Variants in WWC2 observed in about 807,000 individuals in gnomAD.
WWC2 encodes the protein protein WWC2.
In WWC2, 101 loss-of-function variants were observed where a neutral mutation model predicts 138.5. The ratio of observed to expected loss-of-function variants is 0.73; its 90% CI spans 0.62 to 0.86. The LOEUF (loss-of-function observed/expected upper bound fraction) is 0.86, where lower values mean the gene tolerates loss of function less well. Among genes scored for constraint, WWC2 ranks in the 40% least tolerant of loss-of-function variants. The probability of loss-of-function intolerance (pLI) is 0.00; values close to 1 mark genes in which losing one functional copy is unlikely to be tolerated. For synonymous variants in WWC2, 558 were observed against 538.4 expected, an observed-to-expected ratio of 1.04 and a Z score of -0.50; for missense variants, 1,420 against 1,419.4, an observed-to-expected ratio of 1.00 and a Z score of -0.01.
intron 20 of WWC2, among the ~76,000 whole-genome samples, chr4:183,288,864 G>T (rs913661151): frequency 6.6e-6 from 1 of 152,214 alleles, no homozygotes; most frequent in African/African-American, 2.4e-5. Flanking sequence ...TATTCAGGCT[G>T]ACTGTCATGG....
At chr4:183,121,304 G>C (rs184041853) in intron 1 of WWC2, among the ~76,000 whole-genome samples, 9 of 151,174 alleles carry the variant, frequency 6.0e-5, no homozygotes, top group Admixed American at 4.0e-4. Flanking sequence ...GGGTGTTCTT[G>C]ATCTGAAATG....
At chr4:183,199,450 A>G (rs1290896129) in intron 2 of WWC2, among the ~76,000 whole-genome samples, 1 of 152,156 alleles carries the variant, frequency 6.6e-6, no homozygotes, top group Non-Finnish European at 1.5e-5. Flanking sequence ...TTCTGCGTAC[A>G]TCTATGTCAC....
In WWC2 at chr4:183,198,841, A is replaced by G. The variant is rs77748081; in HGVS notation, c.241+5133A>G. 4.1e-3 allele frequency among the ~76,000 whole-genome samples: 625 copies of G among 151,320 alleles called. 4 individuals are homozygous for G. Among genetic ancestry groups the G allele is most frequent in the African/African-American group, 0.015 (607 of 41,188 alleles). ...GGTTCCTTTTGTGCTCTTGCATAAA[A>G]CCCTTTTGTGGCACATTACTGCTTT... On this transcript the variant is annotated intron_variant, in intron 2 of 22. Coordinates refer to ENST00000403733, the MANE Select transcript of WWC2 (RefSeq NM_024949.6).
At chr4:183,210,832 A>G (rs1735575177) in intron 4 of WWC2, among the ~76,000 whole-genome samples, 1 of 152,200 alleles carries the variant, frequency 6.6e-6, no homozygotes, top group Non-Finnish European at 1.5e-5. Context: ...ACACAGTGGT[A>G]TTTGTGTCTA....
chr4:183,311,139 T>G (rs748863290), intron 21 of WWC2, among the ~76,000 whole-genome samples: 1 of 152,188 alleles, frequency 6.6e-6, no homozygotes, highest in African/African-American at 2.4e-5. Context: ...CACAAATATT[T>G]ATTGATTGGG....
chr4:183,177,278 A>G (rs1430869494), intron 1 of WWC2, among the ~76,000 whole-genome samples: 1 of 152,232 alleles, frequency 6.6e-6, no homozygotes, highest in Non-Finnish European at 1.5e-5. Flanking sequence ...TACATTGTCA[A>G]CTAGAGAATA....
intron 1 of WWC2, among the ~76,000 whole-genome samples, chr4:183,175,852 C>T (rs1409936581): frequency 6.6e-6 from 1 of 152,200 alleles, no homozygotes; most frequent in Non-Finnish European, 1.5e-5. Flanking sequence ...TAGTCTAAAA[C>T]TTAGCCACGC....
At chr4:183,218,295 A>G (rs185153205) in intron 4 of WWC2, among the ~76,000 whole-genome samples, 73 of 152,248 alleles carry the variant, frequency 4.8e-4, no homozygotes, top group Non-Finnish European at 8.8e-4. Flanking sequence ...GGAAATGCAA[A>G]TCAAAATTAC....
intron 21 of WWC2, among the ~76,000 whole-genome samples, chr4:183,302,607 T>C (rs1251264555): frequency 1.3e-5 from 2 of 152,106 alleles, no homozygotes; most frequent in African/African-American, 2.4e-5. Context: ...CCAGTGAGAA[T>C]TGGGAGGGAA....
chr4:183,181,245 T>C (rs761547056), intron 1 of WWC2, among the ~76,000 whole-genome samples: 43 of 152,192 alleles, frequency 2.8e-4, no homozygotes, highest in Admixed American at 1.8e-3. Flanking sequence ...TCTGGTAAAT[T>C]GCATATCACA....
chr4:183,125,216 C>T (rs1356546989), intron 1 of WWC2, among the ~76,000 whole-genome samples: 2 of 152,154 alleles, frequency 1.3e-5, no homozygotes, highest in East Asian at 1.9e-4. Context: ...TCGATTTTTA[C>T]AGGTTCAATT....
In WWC2 at chr4:183,305,233, GA is replaced by G. The variant is rs1202272066; in HGVS notation, c.3385-7099del. Among the ~76,000 whole-genome samples the G allele has an allele frequency of 8.7e-5, 13 of 150,252 alleles. No individual in the cohort carries two copies. The East Asian group carries it at 2.5e-3, about 29-fold the overall frequency. Reference sequence around the variant, plus strand: ...CATAGCAAAGAGAAAAGAGACTGGAGAAAAAAAAAGGAACAGAACATCCAAG... The same window carrying G: ...CATAGCAAAGAGAAAAGAGACTGGAGAAAAAAAAGGAACAGAACATCCAAG... On this transcript the variant is annotated intron_variant, in intron 21 of 22. Coordinates refer to ENST00000403733, the MANE Select transcript of WWC2 (RefSeq NM_024949.6).
At chr4:183,118,774 A>G (rs1482778795) in intron 1 of WWC2, among the ~76,000 whole-genome samples, 2 of 152,206 alleles carry the variant, frequency 1.3e-5, no homozygotes, top group African/African-American at 4.8e-5. Context: ...TCAAATGAGG[A>G]AAGACATTAT....
At chr4:183,210,835 T>A (rs996709973) in intron 4 of WWC2, among the ~76,000 whole-genome samples, 2 of 152,210 alleles carry the variant, frequency 1.3e-5, no homozygotes, top group Non-Finnish European at 2.9e-5. Context: ...CAGTGGTATT[T>A]GTGTCTAAAC....
chr4:183,315,392 A>G (rs1238795195), intron 22 of WWC2, among the ~76,000 whole-genome samples: 2 of 152,012 alleles, frequency 1.3e-5, no homozygotes, highest in Non-Finnish European at 1.5e-5. Context: ...TAGTTTAAAA[A>G]CTGTCTTCTG....
At chr4:183,154,990 T>C (rs17090671) in intron 1 of WWC2, among the ~76,000 whole-genome samples, 3,366 of 152,302 alleles carry the variant, frequency 0.022, 55 homozygotes, top group Non-Finnish European at 0.038. Context: ...TCTGTCCCAT[T>C]GTATTATAGA....
At chr4:183,133,902 T>C (rs1248199794) in intron 1 of WWC2, among the ~76,000 whole-genome samples, 1 of 152,226 alleles carries the variant, frequency 6.6e-6, no homozygotes, top group East Asian at 1.9e-4. Context: ...TGGTGTAATA[T>C]TTATTTCTTG....
intron 9 of WWC2, among the ~76,000 whole-genome samples, chr4:183,255,137 C>G (rs902257433): frequency 6.6e-6 from 1 of 152,154 alleles, no homozygotes; most frequent in Non-Finnish European, 1.5e-5. Context: ...GAAAACGTAT[C>G]AAAAGGAAAA....
chr4:183,124,536 C>CTTTTTTTTTTTTTTTT (rs370409813), intron 1 of WWC2, among the ~76,000 whole-genome samples: 15 of 122,804 alleles, frequency 1.2e-4, no homozygotes, highest in African/African-American at 4.7e-4. Context: ...TCCTTTTTCT[C>CTTTTTTTTTTTTTTTT]TTTTTTTTTT....
Sources: gnomAD v4.1 joint callset for allele counts (sites outside exome capture counted in the v4.1 genomes callset) on GRCh38, gnomAD v4.1.1 for gene constraint, MANE v1.5 for transcripts, NCBI Gene and HGNC (gene_info 2026-07-23, HGNC 2026-07-21) for gene names.